The following NCR3LG1 variants were observed in gnomAD, a reference collection of about 807,000 sequenced individuals.
The protein encoded by NCR3LG1 is natural cytotoxicity triggering receptor 3 ligand 1.
A neutral mutation model predicts 34.8 loss-of-function variants in NCR3LG1; 35 were observed. That is an observed-to-expected ratio of 1.01 (90% confidence interval 0.77 to 1.33). The LOEUF (loss-of-function observed/expected upper bound fraction) is 1.33, where lower values mean the gene tolerates loss of function less well. Among genes scored for constraint, NCR3LG1 ranks in the 40% most tolerant of loss-of-function variants. NCR3LG1 has a pLI of 0.00. For missense variants in NCR3LG1, 452 were observed against 423.3 expected, an observed-to-expected ratio of 1.07 and a Z score of -0.60; for synonymous variants, 173 against 163.6, an observed-to-expected ratio of 1.06 and a Z score of -0.44.
intron 3 of NCR3LG1, 61 bp downstream of exon 3, chr11:17,367,408 T>G: frequency 7.6e-7 from 1 of 1,309,124 alleles, no homozygotes; most frequent in Non-Finnish European, 1.0e-6. Flanking sequence ...ACATAAGACT[T>G]ATTCCCACAC....
rs71047545 is a variant in NCR3LG1, at chr11:17,354,545, C to CTTTTTTTTT, written c.71-2086_71-2078dup. ...TCCCTCCGACCCCCCAATTCTTCTT[C>CTTTTTTTTT]TTTTTTTTTTTTTTTTTTTTTTTTT... On this transcript the variant is annotated intron_variant, in intron 1 of 4. Coordinates refer to ENST00000338965, the MANE Select transcript of NCR3LG1 (RefSeq NM_001202439.3). Among the ~76,000 whole-genome samples, 7 of 70,332 alleles carry CTTTTTTTTT rather than the reference C, an allele frequency of 1.0e-4. 1 individual carries two copies. Among genetic ancestry groups the CTTTTTTTTT allele is most frequent in the Non-Finnish European group, 1.4e-4 (4 of 29,296 alleles). The allele number at this position is 70,332 out of a possible 152,430, so 46.1% of individuals were successfully genotyped here.
chr11:17,375,500 A>C lies in NCR3LG1; in HGVS notation c.*2988A>C, dbSNP rs1017174075. On this transcript the variant is annotated 3_prime_UTR_variant, in exon 5 of 5. Coordinates refer to ENST00000338965, the MANE Select transcript of NCR3LG1 (RefSeq NM_001202439.3). ...CTGATCCCTCTCACAAGAGCACTTGAACTAAGCAAAGGAAAGACAGCTAAC... is the reference window on the plus strand; with the variant it reads ...CTGATCCCTCTCACAAGAGCACTTGCACTAAGCAAAGGAAAGACAGCTAAC... 1 of 152,222 alleles carries C rather than the reference A, an allele frequency of 6.6e-6. No homozygotes were observed. The highest frequency in any genetic ancestry group is 2.4e-5 in the African/African-American group (1 of 41,452). 9.4% of individuals were successfully genotyped at this position (152,222 alleles called of 1,614,324 possible). A position where few individuals can be genotyped will look rare whatever the true frequency, so the allele number is the denominator to read the frequency against.
chr11:17,365,053 A>G (rs1953329731), intron 2 of NCR3LG1, among the ~76,000 whole-genome samples: 1 of 152,186 alleles, frequency 6.6e-6, no homozygotes, highest in African/African-American at 2.4e-5. Context: ...TCCCTATATG[A>G]TAATTCTAAA....
chr11:17,367,937 G>C (rs967023557), intron 3 of NCR3LG1, among the ~76,000 whole-genome samples: 2 of 151,826 alleles, frequency 1.3e-5, no homozygotes, highest in Non-Finnish European at 2.9e-5. Context: ...TCCTGCCTCA[G>C]CCTCCTGAGT....
rs577345249 is a variant in NCR3LG1 at position 17,376,498 on chromosome 11, T to G, written c.*3986T>G. The G allele has an allele frequency of 5.9e-5, 9 of 152,352 alleles. No individual in the cohort carries two copies. The highest frequency in any genetic ancestry group is 1.2e-4 in the Non-Finnish European group (8 of 68,040). 9.4% of individuals were successfully genotyped at this position (152,352 alleles called of 1,614,324 possible). On this transcript the variant is annotated 3_prime_UTR_variant, in exon 5 of 5. Coordinates refer to ENST00000338965, the MANE Select transcript of NCR3LG1 (RefSeq NM_001202439.3). ...ATTGCTGGGTCTGTCCTGAGCGGTT[T>G]GCTCAGTTCAGTAACACTAAGGAAC...
Position 17,356,143 on chromosome 11 carries a change from T to C in NCR3LG1, c.71-508T>C, listed in dbSNP as rs1215666597. On this transcript the variant is annotated intron_variant, in intron 1 of 4. Coordinates refer to ENST00000338965, the MANE Select transcript of NCR3LG1 (RefSeq NM_001202439.3). ...CTTTTCTTTTCTTTCTTTCTTTTTTTTTTTTTTTTTTTGAGACAGAGTGTC... is the reference window on the plus strand; with the variant it reads ...CTTTTCTTTTCTTTCTTTCTTTTTTCTTTTTTTTTTTTGAGACAGAGTGTC... 4.1e-5 allele frequency among the ~76,000 whole-genome samples: 6 copies of C among 144,704 alleles called. No homozygotes were observed. The East Asian group carries it at 1.2e-3, about 29-fold the overall frequency. The allele number at this position is 144,704 out of a possible 152,430, so 94.9% of individuals were successfully genotyped here. A position where few individuals can be genotyped will look rare whatever the true frequency, so the allele number is the denominator to read the frequency against.
At chr11:17,356,588 G>A (rs539598725) in intron 1 of NCR3LG1, 63 bp from the exon 2 acceptor site, 1 of 1,216,846 alleles carries the variant, frequency 8.2e-7, no homozygotes, top group Non-Finnish European at 1.1e-6. Context: ...TCAGTCCATA[G>A]CACATCTCAA....
At chr11:17,361,462 A>G (rs1953268707) in intron 2 of NCR3LG1, among the ~76,000 whole-genome samples, 2 of 151,864 alleles carry the variant, frequency 1.3e-5, no homozygotes, top group Non-Finnish European at 2.9e-5. Flanking sequence ...TAATTTTTGT[A>G]TTTTTAGTAG....
intron 2 of NCR3LG1, among the ~76,000 whole-genome samples, chr11:17,365,776 T>C (rs1474977881): frequency 1.3e-5 from 2 of 152,078 alleles, no homozygotes; most frequent in Non-Finnish European, 2.9e-5. Context: ...CCCATGAAAG[T>C]GTGGTAAGCA....
At position 17,377,257 on chromosome 11, in the gene NCR3LG1, T is replaced by A. The variant is rs952314438; in HGVS notation, c.*4745T>A. ...ACTTTGGGAGGCTGAGGCAGGTAGA[T>A]GATGAGGTCAGGAGTTCAAGACTAG... On this transcript the variant is annotated 3_prime_UTR_variant, in exon 5 of 5. Transcript: ENST00000338965. The A allele has an allele frequency of 1.2e-4, 17 of 147,140 alleles. No individual in the cohort carries two copies. Among genetic ancestry groups the A allele is most frequent in the African/African-American group, 4.3e-4 (17 of 39,414 alleles). The allele number at this position is 147,140 out of a possible 1,614,324, so 9.1% of individuals were successfully genotyped here.
At chr11:17,357,679 C>T (rs1953226413) in intron 2 of NCR3LG1, among the ~76,000 whole-genome samples, 1 of 142,922 alleles carries the variant, frequency 7.0e-6, no homozygotes, top group Admixed American at 7.0e-5. Context: ...ATATATATAG[C>T]CACTGTTCTT....
chr11:17,364,765 C>T (rs1283946922), intron 2 of NCR3LG1, among the ~76,000 whole-genome samples: 3 of 152,148 alleles, frequency 2.0e-5, no homozygotes, highest in African/African-American at 4.8e-5. Context: ...AGGCTGGTCT[C>T]GAACTCCTGA....
In NCR3LG1 at chr11:17,371,334, G is replaced by T. The variant is rs12269839; in HGVS notation, c.859-672G>T. Among the ~76,000 whole-genome samples the T allele has an allele frequency of 8.0e-3, 1,219 of 152,064 alleles. 15 individuals carry two copies. The highest frequency in any genetic ancestry group is 0.028 in the African/African-American group (1,163 of 41,478). On this transcript the variant is annotated intron_variant, in intron 4 of 4. Coordinates refer to ENST00000338965, the MANE Select transcript of NCR3LG1 (RefSeq NM_001202439.3). ...CTGTGAGAAGCCTTGTCAGCCCTTT[G>T]CCCAAAACCTCTAGTTCCCTGATTC...
chr11:17,376,712 C>T lies in NCR3LG1; in HGVS notation c.*4200C>T, dbSNP rs1953480674. On this transcript the variant is annotated 3_prime_UTR_variant, in exon 5 of 5. Coordinates refer to ENST00000338965, the MANE Select transcript of NCR3LG1 (RefSeq NM_001202439.3). The stretch of plus-strand genomic sequence containing the variant: ...TTTCCCCAAAGATAAGCCTCACACC[C>T]TCAGGCTAGGAAAAGTTGGCCGGGT... 2 of 152,214 alleles carry T rather than the reference C, an allele frequency of 1.3e-5. No individual in the cohort carries two copies. Among genetic ancestry groups the T allele is most frequent in the Non-Finnish European group, 2.9e-5 (2 of 68,032 alleles). The allele number at this position is 152,214 out of a possible 1,614,324, so 9.4% of individuals were successfully genotyped here. A position where few individuals can be genotyped will look rare whatever the true frequency, so the allele number is the denominator to read the frequency against.
intron 1 of NCR3LG1, among the ~76,000 whole-genome samples, chr11:17,355,597 C>CCATA (rs546633641): frequency 1.3e-5 from 2 of 152,112 alleles, no homozygotes; most frequent in African/African-American, 4.8e-5. Flanking sequence ...TGCCAGGCTA[C>CCATA]CATAACAGAT....
intron 4 of NCR3LG1, 57 bp downstream of exon 4, chr11:17,369,021 A>G (rs1953379051): frequency 1.7e-6 from 2 of 1,165,378 alleles, no homozygotes; most frequent in Admixed American, 2.6e-5. Context: ...AAAAGCTTTT[A>G]GAGCAGCTGC....
intron 1 of NCR3LG1, among the ~76,000 whole-genome samples, chr11:17,356,317 T>G (rs1953204601): frequency 6.6e-6 from 1 of 151,692 alleles, no homozygotes; most frequent in Admixed American, 6.6e-5. Flanking sequence ...TTTTGTATTT[T>G]TAGTAGAGAT....
intron 2 of NCR3LG1, among the ~76,000 whole-genome samples, chr11:17,358,293 T>C (rs559420393): frequency 7.7e-4 from 117 of 152,372 alleles, no homozygotes; most frequent in African/African-American, 2.6e-3. Context: ...AATTGTTATA[T>C]GTTCTTAGGC....
At chr11:17,368,195 C>T (rs1229746995) in intron 3 of NCR3LG1, among the ~76,000 whole-genome samples, 1 of 152,106 alleles carries the variant, frequency 6.6e-6, no homozygotes, top group East Asian at 1.9e-4. Context: ...TCAATGCCTT[C>T]CCCAGGCACA....
Sources: allele counts gnomAD v4.1 joint callset (sites outside exome capture counted in the v4.1 genomes callset), GRCh38; gene constraint gnomAD v4.1.1; transcripts MANE v1.5; gene names NCBI Gene and HGNC (gene_info 2026-07-23, HGNC 2026-07-21).